Variants in MFSD2B observed in about 807,000 individuals in gnomAD.
The protein encoded by MFSD2B is MFSD2 lysolipid transporter B, sphingolipid.
Under a neutral mutation model 58.4 loss-of-function variants are expected in MFSD2B, and 56 were observed. The ratio of observed to expected loss-of-function variants is 0.96; its 90% confidence interval spans 0.77 to 1.20. The LOEUF (loss-of-function observed/expected upper bound fraction) is 1.20. Among genes scored for constraint, MFSD2B ranks in the 50% most tolerant of loss-of-function variants. MFSD2B has a pLI of 0.00. For missense variants in MFSD2B, 645 were observed against 667.6 expected, an observed-to-expected ratio of 0.97 and a Z score of 0.37; for synonymous variants, 287 against 294.4, an observed-to-expected ratio of 0.97 and a Z score of 0.26.
chr2:24,021,791 G>A lies in MFSD2B; in HGVS notation c.772+53G>A. 6.2e-7 allele frequency: 1 copy of A among 1,612,818 alleles called. No homozygotes were observed. The highest frequency in any genetic ancestry group is 2.2e-5 in the East Asian group (1 of 44,846). On this transcript the variant is annotated intron_variant, in intron 7 of 13. Coordinates refer to ENST00000338315, the MANE Select transcript of MFSD2B (RefSeq NM_001346880.2). The surrounding 1 kb of genome is among the most constrained non-coding windows in gnomAD (Gnocchi z 5.7). ...GAAGCTGGGGGCAGGGCTCTGCTTG[G>A]GGGCAGGTTTTGCTTTTGAACTCTG...
In MFSD2B at chr2:24,024,168, G is replaced by A. The variant is rs751215494; in HGVS notation, c.1387G>A (p.Ala463Thr). Residue 463 changes from alanine (A) to threonine (T), a missense_variant, in exon 13 of 14, where the codon GCC becomes ACC. By Grantham distance (58) the Ala-to-Thr change is moderately conservative. Transcript: ENST00000338315. The surrounding 1 kb of genome is among the most constrained non-coding windows in gnomAD (Gnocchi z 4.3). ...VVVTLKVLIG[A>T]VPTCMILAGL... ...GGTCACCCTCAAAGTCCTCATTGGC[G>A]CCGTGCCCACCTGCATGATCCTTGC... The A allele has an allele frequency of 2.9e-5, 46 of 1,613,796 alleles. No individual in the cohort carries two copies. The highest frequency in any genetic ancestry group is 6.7e-5 in the Admixed American group (4 of 59,992).
Position 24,010,167 on chromosome 2 carries a change from C to T in MFSD2B, c.71C>T (p.Pro24Leu). ...QPEPHAPEPG[P>L]GSAKRGREDS... ...GAGCCGCACGCCCCAGAGCCCGGCC[C>T]GGGGAGCGCCAAGCGAGGGCGAGAG... The change falls in exon 1 of 14, where the codon CCG becomes CTG. Residue 24 changes from proline (P) to leucine (L), a missense_variant. Pro to Leu is a moderately conservative substitution (Grantham distance 98). Transcript: ENST00000338315. 4 of 1,447,190 alleles carry T rather than the reference C, an allele frequency of 2.8e-6. No individual in the cohort carries two copies. Among genetic ancestry groups the T allele is most frequent in the African/African-American group, 1.5e-5 (1 of 67,792 alleles). The allele number at this position is 1,447,190 out of a possible 1,614,324, so 89.6% of individuals were successfully genotyped here.
Position 24,013,522 on chromosome 2 carries a change from G to A in MFSD2B, c.222+112G>A, listed in dbSNP as rs75791063. ...TCCTTGTAGACAGCACTTCTGACAC[G>A]AGCTCAACAAAAAGCCAGAAGCCAA... On this transcript the variant is annotated intron_variant, in intron 2 of 13. Coordinates refer to ENST00000338315, the MANE Select transcript of MFSD2B (RefSeq NM_001346880.2). The A allele has an allele frequency of 4.9e-3, 5,773 of 1,177,742 alleles. 228 individuals are homozygous for A. The African/African-American group carries it at 0.079, about 16-fold the overall frequency. The allele number at this position is 1,177,742 out of a possible 1,614,324, so 73.0% of individuals were successfully genotyped here.
rs925439994 is a variant in MFSD2B, at chr2:24,012,244, G to A, written c.97-1041G>A. Among the ~76,000 whole-genome samples the A allele has an allele frequency of 6.6e-6, 1 of 151,704 alleles. No individual in the cohort carries two copies. The highest frequency in any genetic ancestry group is 1.5e-5 in the Non-Finnish European group (1 of 67,960). Reference sequence around the variant, plus strand: ...AGAGTTTTAATCAGAGAGGAGATGGGATCTGATTATTTATTTATTTATTTA... The same window carrying A: ...AGAGTTTTAATCAGAGAGGAGATGGAATCTGATTATTTATTTATTTATTTA... On this transcript the variant is annotated intron_variant, in intron 1 of 13. Coordinates refer to ENST00000338315, the MANE Select transcript of MFSD2B (RefSeq NM_001346880.2). This position sits in a 1 kb window ranked among gnomAD's most constrained non-coding sequence, Gnocchi z 4.5.
At position 24,022,577 on chromosome 2, in the gene MFSD2B, T is replaced by G. The variant is rs1386918501; in HGVS notation, c.978+61T>G. The stretch of plus-strand genomic sequence containing the variant: ...TGGGGCCCTGAGCTGGGGACATGTG[T>G]GGTCCTTGATGTGACACATATGGCC... On this transcript the variant is annotated intron_variant, in intron 9 of 13. Coordinates refer to ENST00000338315, the MANE Select transcript of MFSD2B (RefSeq NM_001346880.2). This position sits in a 1 kb window ranked among gnomAD's most constrained non-coding sequence, Gnocchi z 4.5. 7.4e-7 allele frequency: 1 copy of G among 1,348,214 alleles called. No individual in the cohort carries two copies. Among genetic ancestry groups the G allele is most frequent in the African/African-American group, 1.5e-5 (1 of 68,778 alleles). The allele number at this position is 1,348,214 out of a possible 1,614,324, so 83.5% of individuals were successfully genotyped here.
At position 24,016,702 on chromosome 2, in the gene MFSD2B, C is replaced by T. The variant is rs892056797; in HGVS notation, c.348-143C>T. On this transcript the variant is annotated intron_variant, in intron 3 of 13. Transcript: ENST00000338315. Reference sequence around the variant, plus strand: ...CCTCCATGACCCATCGGCCACTTCTCCCCTGCTCCTGGCTCCCACCCAGGG... The same window carrying T: ...CCTCCATGACCCATCGGCCACTTCTTCCCTGCTCCTGGCTCCCACCCAGGG... 13 of 960,138 alleles carry T rather than the reference C, an allele frequency of 1.4e-5. No homozygotes were observed. In the African/African-American group the frequency reaches 2.0e-4, roughly 15 times the overall value. The allele number at this position is 960,138 out of a possible 1,614,324, so 59.5% of individuals were successfully genotyped here.
rs1455425340 is a variant in MFSD2B, at chr2:24,021,913, G to A, written c.837G>A (p.Arg279=). 1.2e-6 allele frequency: 2 copies of A among 1,613,850 alleles called. No homozygotes were observed. The highest frequency in any genetic ancestry group is 1.3e-5 in the African/African-American group (1 of 74,924). ...TGGCTGGGCTGAGCCTCACTACCCG[G>A]CACCCACCCTACCTGAAGCTGGTGA... is the stretch of plus-strand genomic sequence containing the variant. ...SFLAGLSLTT[R]HPPYLKLVIS... is the part of the protein sequence containing the mutation. Residue 279 remains arginine, a synonymous_variant, in exon 8 of 14, where the codon CGG becomes CGA. Transcript: ENST00000338315. This position sits in a 1 kb window ranked among gnomAD's most constrained non-coding sequence, Gnocchi z 5.7.
Position 24,026,241 on chromosome 2 carries a change from T to C in MFSD2B, c.*785T>C, listed in dbSNP as rs1467923919. 6.6e-6 allele frequency: 1 copy of C among 152,234 alleles called. No individual in the cohort carries two copies. Among genetic ancestry groups the C allele is most frequent in the Non-Finnish European group, 1.5e-5 (1 of 68,054 alleles). The allele number at this position is 152,234 out of a possible 1,614,324, so 9.4% of individuals were successfully genotyped here. On this transcript the variant is annotated 3_prime_UTR_variant, in exon 14 of 14. Transcript: ENST00000338315. ...AGCGTAACTGAACAGAGTATATATA[T>C]GTATGTATATAAATATATAGAAATC...
In MFSD2B at chr2:24,022,685, T is replaced by A; in HGVS notation, c.979-137T>A. The A allele has an allele frequency of 2.4e-6, 2 of 843,902 alleles. No individual in the cohort carries two copies. The highest frequency in any genetic ancestry group is 5.3e-5 in the East Asian group (2 of 37,388). 52.3% of individuals were successfully genotyped at this position (843,902 alleles called of 1,614,324 possible). On this transcript the variant is annotated intron_variant, in intron 9 of 13. Transcript: ENST00000338315. The surrounding 1 kb of genome is among the most constrained non-coding windows in gnomAD (Gnocchi z 4.5). ...GCAGAGGGTAGAATTGGGGCCAGGA[T>A]TACAACATTCATAGCCACCGGTTTG...
intron 1 of MFSD2B, 59 bp from the exon 2 acceptor site, chr2:24,013,226 G>C: frequency 3.3e-6 from 5 of 1,514,356 alleles, no homozygotes; most frequent in Non-Finnish European, 3.6e-6. Flanking sequence ...AAGTCATGGG[G>C]TGTGGGGACC....
intron 1 of MFSD2B, among the ~76,000 whole-genome samples, chr2:24,010,892 AC>A (rs143186088): frequency 0.037 from 5,612 of 152,238 alleles, 106 homozygotes; most frequent in South Asian, 0.045. Flanking sequence ...CCTACGAGGC[AC>A]CTGGGAGCAC....
In MFSD2B at chr2:24,017,023, G is replaced by A; in HGVS notation, c.471+55G>A. 6.2e-7 allele frequency: 1 copy of A among 1,606,386 alleles called. No homozygotes were observed. ...TCTGGCGAAGCCCATTGCTGGCCAT[G>A]GCCACTCTGAAGTGTGCTGTGGGGG... On this transcript the variant is annotated intron_variant, in intron 4 of 13. Coordinates refer to ENST00000338315, the MANE Select transcript of MFSD2B (RefSeq NM_001346880.2). This position sits in a 1 kb window ranked among gnomAD's most constrained non-coding sequence, Gnocchi z 4.8.
intron 1 of MFSD2B, 32 bp from the exon 2 acceptor site, chr2:24,013,253 G>A: frequency 6.4e-7 from 1 of 1,554,542 alleles, no homozygotes; most frequent in Non-Finnish European, 8.8e-7. Flanking sequence ...GTGTCTGTTG[G>A]GAGAAGGGCT....
chr2:24,024,064 C>G lies in MFSD2B; in HGVS notation c.1314-31C>G. On this transcript the variant is annotated intron_variant, in intron 12 of 13. Coordinates refer to ENST00000338315, the MANE Select transcript of MFSD2B (RefSeq NM_001346880.2). The surrounding 1 kb of genome is among the most constrained non-coding windows in gnomAD (Gnocchi z 4.3). Reference sequence around the variant, plus strand: ...CCCAGGGTGCCAGGCTCAGCAGGCCCTGCCCTAATGGCTGGCTGATGTTTC... The same window carrying G: ...CCCAGGGTGCCAGGCTCAGCAGGCCGTGCCCTAATGGCTGGCTGATGTTTC... The G allele has an allele frequency of 6.2e-7, 1 of 1,610,636 alleles. No individual in the cohort carries two copies. The highest frequency in any genetic ancestry group is 1.1e-5 in the South Asian group (1 of 90,860).
chr2:24,014,595 AAAAAG>A (rs1341996149), intron 2 of MFSD2B, among the ~76,000 whole-genome samples: 2 of 152,218 alleles, frequency 1.3e-5, no homozygotes, highest in Non-Finnish European at 2.9e-5. Context: ...TGCTCTGGTG[AAAAAG>A]AAAAGTTAGT....
chr2:24,018,081 A>G (rs1280827586), intron 6 of MFSD2B, among the ~76,000 whole-genome samples: 2 of 151,880 alleles, frequency 1.3e-5, no homozygotes, highest in Non-Finnish European at 2.9e-5. Flanking sequence ...CACTGGGCGG[A>G]CACACCTCTA....
Position 24,023,550 on chromosome 2 carries a change from G to A in MFSD2B, c.1170-33G>A. ...TTCACAGGCTGCTGGTGGCCAAGGGGCTAGGAGGGCTAACTCCACACCCCC... is the reference window on the plus strand; with the variant it reads ...TTCACAGGCTGCTGGTGGCCAAGGGACTAGGAGGGCTAACTCCACACCCCC... On this transcript the variant is annotated intron_variant, in intron 11 of 13. Transcript: ENST00000338315. The surrounding 1 kb of genome is among the most constrained non-coding windows in gnomAD (Gnocchi z 5.0). 1 of 1,600,556 alleles carries A rather than the reference G, an allele frequency of 6.2e-7. No homozygotes were observed. Among genetic ancestry groups the A allele is most frequent in the Non-Finnish European group, 8.5e-7 (1 of 1,173,718 alleles).
chr2:24,019,414 C>T (rs1232794848), intron 6 of MFSD2B, among the ~76,000 whole-genome samples: 2 of 152,020 alleles, frequency 1.3e-5, no homozygotes, highest in Non-Finnish European at 2.9e-5. Context: ...ATATCTGTGG[C>T]CCACCACCCA....
intron 2 of MFSD2B, among the ~76,000 whole-genome samples, chr2:24,013,770 T>G (rs1709040142): frequency 1.3e-5 from 2 of 152,158 alleles, no homozygotes; most frequent in African/African-American, 2.4e-5. Flanking sequence ...GTTTTTTTTT[T>G]TTTTTAGCTC....
Sources: allele counts gnomAD v4.1 joint callset (sites outside exome capture counted in the v4.1 genomes callset), GRCh38; gene constraint gnomAD v4.1.1; non-coding constraint Gnocchi (gnomAD v3.1); transcripts MANE v1.5; gene names NCBI Gene and HGNC (gene_info 2026-07-23, HGNC 2026-07-21).